PCDHAC1: variants seen among roughly 807,000 people sequenced by gnomAD.
PCDHAC1 encodes the protein protocadherin alpha subfamily C, 1, also known as protocadherin alpha-C1.
A neutral mutation model predicts 60.0 loss-of-function variants in PCDHAC1; 42 were observed. The ratio of observed to expected loss-of-function variants is 0.70; its 90% CI spans 0.55 to 0.90. The LOEUF (loss-of-function observed/expected upper bound fraction) is 0.90. Among genes scored for constraint, PCDHAC1 ranks in the 40% least tolerant of loss-of-function variants. PCDHAC1 has a pLI of 0.00. For missense variants in PCDHAC1, 1,160 were observed against 1,222.3 expected (o/e 0.95, Z 0.76); for synonymous variants, 468 against 499.3 (o/e 0.94, Z 0.84).
At chr5:140,968,044 A>C (rs959631573) in intron 1 of PCDHAC1, 2 of 1,614,142 alleles carry the variant, frequency 1.2e-6, no homozygotes, top group Non-Finnish European at 1.7e-6. Context: ...TGAGCGGCCC[A>C]CTGGACCGAG....
chr5:140,995,893 A>T (rs1038677586), intron 3 of PCDHAC1, among the ~76,000 whole-genome samples: 1 of 152,182 alleles, frequency 6.6e-6, no homozygotes, highest in Non-Finnish European at 1.5e-5. Flanking sequence ...AGATTTATCA[A>T]TGTATAAAAG....
intron 1 of PCDHAC1, among the ~76,000 whole-genome samples, chr5:140,977,448 C>G (rs1265708365): frequency 6.6e-6 from 1 of 152,212 alleles, no homozygotes; most frequent in African/African-American, 2.4e-5. Flanking sequence ...ATAATGGAAA[C>G]TCCTTTGATT....
chr5:140,969,783 A>G (rs1293806015), intron 1 of PCDHAC1, among the ~76,000 whole-genome samples: 1 of 152,228 alleles, frequency 6.6e-6, no homozygotes, highest in Non-Finnish European at 1.5e-5. Context: ...GGGCTATCAT[A>G]GTCACCACTA....
intron 1 of PCDHAC1, among the ~76,000 whole-genome samples, chr5:140,958,548 A>C (rs185504563): frequency 6.6e-6 from 1 of 152,180 alleles, no homozygotes; most frequent in African/African-American, 2.4e-5. Context: ...TTATGAACCA[A>C]TAAATGTTTC....
At chr5:140,941,760 T>A (rs1343959883) in intron 1 of PCDHAC1, among the ~76,000 whole-genome samples, 2 of 152,234 alleles carry the variant, frequency 1.3e-5, no homozygotes, top group Non-Finnish European at 1.5e-5. Flanking sequence ...TCAGTGCTTT[T>A]AAGATAATTG....
Position 140,926,957 on chromosome 5 carries a change from T to G in PCDHAC1, c.65T>G (p.Leu22Arg). The G allele has an allele frequency of 6.2e-7, 1 of 1,602,892 alleles. No individual in the cohort carries two copies. The highest frequency in any genetic ancestry group is 8.5e-7 in the Non-Finnish European group (1 of 1,172,608). ...WVSCGAAAGQLEYSVPEETER... is the reference protein window; with the variant it reads ...WVSCGAAAGQREYSVPEETER... Reference sequence around the variant, plus strand: ...TCCTGCGGCGCTGCAGCGGGACAGCTCGAGTACTCAGTGCCGGAGGAGACG... The same window carrying G: ...TCCTGCGGCGCTGCAGCGGGACAGCGCGAGTACTCAGTGCCGGAGGAGACG... The change falls in exon 1 of 4, where the codon CTC (leucine) becomes CGC (arginine). Residue 22 changes from leucine to arginine, a missense_variant. By Grantham distance (102) the Leu-to-Arg change is moderately radical. Transcript: ENST00000253807.
chr5:140,946,611 A>AATAT (rs1554217734), intron 1 of PCDHAC1, among the ~76,000 whole-genome samples: 1,089 of 86,784 alleles, frequency 0.013, 135 homozygotes, highest in African/African-American at 0.062. Flanking sequence ...GAAAATGTGA[A>AATAT]ATATATATAT....
At chr5:140,947,192 C>G (rs958443362) in intron 1 of PCDHAC1, among the ~76,000 whole-genome samples, 27 of 151,038 alleles carry the variant, frequency 1.8e-4, no homozygotes, top group African/African-American at 6.6e-4. Flanking sequence ...GTATACTACA[C>G]AGCCTTAAAA....
chr5:140,937,950 T>C (rs1483679576), intron 1 of PCDHAC1, among the ~76,000 whole-genome samples: 1 of 152,164 alleles, frequency 6.6e-6, no homozygotes, highest in African/African-American at 2.4e-5. Flanking sequence ...AATTGGCTTT[T>C]GTTGAAAGTA....
chr5:140,997,668 T>TTGTGTGTG lies in PCDHAC1; in HGVS notation c.2582-11937_2582-11930dup, dbSNP rs35184029. 2.7e-3 allele frequency among the ~76,000 whole-genome samples: 400 copies of TTGTGTGTG among 148,342 alleles called. 5 individuals carry two copies. The East Asian group carries it at 0.038, about 14-fold the overall frequency. The stretch of plus-strand genomic sequence containing the variant: ...AATGCAATATGTATTATTATACAGC[T>TTGTGTGTG]TGTGTGTGTGTGTGTGTGTGTGTGT... On this transcript the variant is annotated intron_variant, in intron 3 of 3. Transcript: ENST00000253807.
chr5:140,982,609 G>A, intron 3 of PCDHAC1, 46 bp downstream of exon 3: 1 of 1,600,864 alleles, frequency 6.2e-7, no homozygotes, highest in East Asian at 2.2e-5. Context: ...TCTGGAAAGT[G>A]ATCAGATGAC....
intron 1 of PCDHAC1, among the ~76,000 whole-genome samples, chr5:140,975,074 G>C (rs2096653166): frequency 1.3e-5 from 2 of 152,152 alleles, no homozygotes; most frequent in South Asian, 4.1e-4. Flanking sequence ...CATTCAGATT[G>C]TTGGCAGAAT....
At chr5:140,983,807 G>GT (rs1418454252) in intron 3 of PCDHAC1, among the ~76,000 whole-genome samples, 1 of 152,100 alleles carries the variant, frequency 6.6e-6, no homozygotes, top group East Asian at 1.9e-4. Flanking sequence ...TGTGTAAAAG[G>GT]TTTTTTCCCA....
intron 1 of PCDHAC1, among the ~76,000 whole-genome samples, chr5:140,952,279 T>C (rs1222400527): frequency 6.7e-6 from 1 of 149,858 alleles, no homozygotes; most frequent in Non-Finnish European, 1.5e-5. Flanking sequence ...TTGAGGGTGG[T>C]GGCCCTCTTC....
chr5:141,005,118 C>T (rs546410334), intron 3 of PCDHAC1, among the ~76,000 whole-genome samples: 1 of 152,198 alleles, frequency 6.6e-6, no homozygotes, highest in South Asian at 2.1e-4. Flanking sequence ...CTTTAGGGAC[C>T]CCAAAAGTGC....
chr5:141,009,999 G>A lies in PCDHAC1; in HGVS notation c.*62G>A. 1 of 1,575,110 alleles carries A rather than the reference G, an allele frequency of 6.3e-7. No individual in the cohort carries two copies. The highest frequency in any genetic ancestry group is 1.2e-5 in the South Asian group (1 of 82,646). On this transcript the variant is annotated 3_prime_UTR_variant, in exon 4 of 4. Coordinates refer to ENST00000253807, the MANE Select transcript of PCDHAC1 (RefSeq NM_018898.5). ...TGTAATAATGGCAAATCTCTCCCAT[G>A]TAGCAATTCCCTGCTCCTTTTTCCT...
chr5:140,938,679 T>C (rs574212689), intron 1 of PCDHAC1, among the ~76,000 whole-genome samples: 1 of 152,302 alleles, frequency 6.6e-6, no homozygotes, highest in South Asian at 2.1e-4. Flanking sequence ...CCTAACATTT[T>C]CTTTACAGTT....
At chr5:140,947,106 C>T (rs1172898991) in intron 1 of PCDHAC1, among the ~76,000 whole-genome samples, 2 of 151,140 alleles carry the variant, frequency 1.3e-5, no homozygotes, top group Non-Finnish European at 3.0e-5. Context: ...TAAATAGGTA[C>T]GTGTCAATTA....
At chr5:141,000,347 C>T (rs1587871994) in intron 3 of PCDHAC1, among the ~76,000 whole-genome samples, 1 of 114,796 alleles carries the variant, frequency 8.7e-6, no homozygotes, top group Non-Finnish European at 1.8e-5. Flanking sequence ...CTATCTCTCT[C>T]TCTGTCTCTC....
Sources: gnomAD v4.1 joint callset for allele counts (sites outside exome capture counted in the v4.1 genomes callset) on GRCh38, gnomAD v4.1.1 for gene constraint, MANE v1.5 for transcripts, NCBI Gene and HGNC (gene_info 2026-07-23, HGNC 2026-07-21) for gene names.